The following PFDN1 variants were observed in gnomAD, a reference collection of about 807,000 sequenced individuals.
The protein encoded by PFDN1 is prefoldin subunit 1, also known as prefoldin 1.
PFDN1 carries 6 observed loss-of-function variants against 17.3 expected under a neutral mutation model. The ratio of observed to expected loss-of-function variants is 0.35; its 90% CI spans 0.19 to 0.69. The LOEUF (loss-of-function observed/expected upper bound fraction) is 0.69. PFDN1 is among the 30% of genes least tolerant of loss of function. PFDN1 has a pLI of 0.65. For synonymous variants in PFDN1, 58 were observed against 50.1 expected, an observed-to-expected ratio of 1.16 and a Z score of -0.67; for missense variants, 113 against 146.2, an observed-to-expected ratio of 0.77 and a Z score of 1.17.
chr5:140,290,495 G>C (rs1038149711), intron 2 of PFDN1, among the ~76,000 whole-genome samples: 4 of 152,276 alleles, frequency 2.6e-5, no homozygotes, highest in Middle Eastern at 3.4e-3. Flanking sequence ...CCCTGAGGAG[G>C]CCTGACCTAT....
At chr5:140,253,118 G>A (rs1183164270) in intron 3 of PFDN1, among the ~76,000 whole-genome samples, 1 of 152,224 alleles carries the variant, frequency 6.6e-6, no homozygotes, top group Non-Finnish European at 1.5e-5. Context: ...CTCGGAAGGA[G>A]TTACTGTCCC....
At chr5:140,249,092 A>G (rs577999480) in intron 3 of PFDN1, among the ~76,000 whole-genome samples, 11 of 152,352 alleles carry the variant, frequency 7.2e-5, no homozygotes, top group African/African-American at 2.6e-4. Context: ...TCAGTCCCCA[A>G]GCATATTTAA....
intron 3 of PFDN1, among the ~76,000 whole-genome samples, chr5:140,274,340 T>C (rs560573025): frequency 6.6e-6 from 1 of 152,364 alleles, no homozygotes; most frequent in South Asian, 2.1e-4. Flanking sequence ...GTTGTAATCA[T>C]GCTATTTTCT....
At chr5:140,249,095 A>G (rs1264206835) in intron 3 of PFDN1, among the ~76,000 whole-genome samples, 1 of 152,254 alleles carries the variant, frequency 6.6e-6, no homozygotes, top group Non-Finnish European at 1.5e-5. Flanking sequence ...GTCCCCAAGC[A>G]TATTTAAGCC....
At chr5:140,284,952 T>C (rs529829370) in intron 2 of PFDN1, among the ~76,000 whole-genome samples, 10 of 152,340 alleles carry the variant, frequency 6.6e-5, no homozygotes, top group African/African-American at 2.4e-4. Context: ...GACTCCGTTT[T>C]CTAAATCATC....
chr5:140,266,700 C>T (rs1765138171), intron 3 of PFDN1, among the ~76,000 whole-genome samples: 1 of 152,228 alleles, frequency 6.6e-6, no homozygotes, highest in Non-Finnish European at 1.5e-5. Context: ...GGAACACACA[C>T]ACACACCTAA....
intron 3 of PFDN1, among the ~76,000 whole-genome samples, chr5:140,278,557 CAAAAAAAAAAAAAAAAAA>C (rs113129230): frequency 5.1e-4 from 40 of 79,018 alleles, no homozygotes; most frequent in Admixed American, 8.2e-4. Flanking sequence ...GACTCTGTCT[CAAAAAAAAAAAAAAAAAA>C]AAAAAAAAAA....
intron 2 of PFDN1, among the ~76,000 whole-genome samples, chr5:140,286,270 G>A (rs10051897): frequency 0.03 from 4,504 of 151,298 alleles, 219 homozygotes; most frequent in African/African-American, 0.1. Flanking sequence ...AAAATTAGCC[G>A]GTGTGGTGGC....
At chr5:140,265,406 T>G (rs1329676068) in intron 3 of PFDN1, among the ~76,000 whole-genome samples, 3 of 152,134 alleles carry the variant, frequency 2.0e-5, no homozygotes, top group Admixed American at 2.0e-4. Context: ...TACTTTTCCC[T>G]TAGTTGACCC....
In PFDN1 at chr5:140,281,178, T is replaced by C. The variant is rs1765391567; in HGVS notation, c.285+271A>G. The C allele has an allele frequency of 3.6e-5, 10 of 275,584 alleles. No individual in the cohort carries two copies. The South Asian group carries it at 4.9e-4, about 14-fold the overall frequency. 17.1% of individuals were successfully genotyped at this position (275,584 alleles called of 1,614,324 possible). ...TTGTTTTTTTTAAAGAATAAACACA[T>C]TCAAGGGCAATGAACAAAATACATT... On this transcript the variant is annotated intron_variant, in intron 3 of 3. Transcript: ENST00000261813.
intron 3 of PFDN1, among the ~76,000 whole-genome samples, chr5:140,258,323 T>A (rs1765016658): frequency 6.6e-6 from 1 of 150,890 alleles, no homozygotes; most frequent in South Asian, 2.1e-4. Flanking sequence ...GTCCCTGGAG[T>A]GGCTGGGTGG....
At chr5:140,248,542 G>A (rs973271781) in intron 3 of PFDN1, among the ~76,000 whole-genome samples, 2 of 152,194 alleles carry the variant, frequency 1.3e-5, no homozygotes, top group Admixed American at 6.5e-5. Context: ...GGGGAAAGGC[G>A]AATGGAATAA....
At position 140,280,010 on chromosome 5, in the gene PFDN1, AAAAC is replaced by A. The variant is rs1420764274; in HGVS notation, c.285+1435_285+1438del. 2.5e-4 allele frequency among the ~76,000 whole-genome samples: 34 copies of A among 134,718 alleles called. 1 individual carries two copies. The highest frequency in any genetic ancestry group is 4.8e-4 in the African/African-American group (17 of 35,082). The allele number at this position is 134,718 out of a possible 152,430, so 88.4% of individuals were successfully genotyped here. On this transcript the variant is annotated intron_variant, in intron 3 of 3. Transcript: ENST00000261813. ...AACTCCGTCTCAAAAAAAAAAAAAAAAAACAAAAAAAGAAAAGAAAAGAAAAGAA... is the reference window on the plus strand; with the variant it reads ...AACTCCGTCTCAAAAAAAAAAAAAAAAAAAAAAGAAAAGAAAAGAAAAGAA...
chr5:140,272,498 T>C (rs562467976), intron 3 of PFDN1, among the ~76,000 whole-genome samples: 2 of 151,688 alleles, frequency 1.3e-5, no homozygotes, highest in African/African-American at 4.8e-5. Flanking sequence ...TAGCTAGGAT[T>C]ACAGGCGCCC....
intron 3 of PFDN1, among the ~76,000 whole-genome samples, chr5:140,248,318 C>T (rs1427490735): frequency 2.6e-5 from 4 of 152,256 alleles, no homozygotes; most frequent in East Asian, 1.9e-4. Context: ...CTGCCCGCCT[C>T]GGCCTCCCAA....
intron 3 of PFDN1, among the ~76,000 whole-genome samples, chr5:140,249,334 C>T (rs983780649): frequency 6.6e-6 from 1 of 151,856 alleles, no homozygotes; most frequent in African/African-American, 2.4e-5. Flanking sequence ...GCTTCAAATA[C>T]AAGTAGAAAA....
intron 3 of PFDN1, chr5:140,273,802 G>C: frequency 2.2e-6 from 1 of 452,232 alleles, no homozygotes; most frequent in Non-Finnish European, 2.9e-6. Flanking sequence ...AGCTAACCAG[G>C]GTGGTGAAAG....
intron 3 of PFDN1, among the ~76,000 whole-genome samples, chr5:140,259,997 C>A (rs142335535): frequency 2.2e-3 from 340 of 152,088 alleles, no homozygotes; most frequent in African/African-American, 7.7e-3. Context: ...TACAAAAATG[C>A]AAATTTAAAA....
At chr5:140,270,042 G>C (rs974530144) in intron 3 of PFDN1, among the ~76,000 whole-genome samples, 18 of 152,286 alleles carry the variant, frequency 1.2e-4, no homozygotes, top group Admixed American at 2.6e-4. Flanking sequence ...TTCCCCACAT[G>C]AAGTATTGAA....
Sources: allele counts gnomAD v4.1 joint callset (sites outside exome capture counted in the v4.1 genomes callset), GRCh38; gene constraint gnomAD v4.1.1; transcripts MANE v1.5; gene names NCBI Gene and HGNC (gene_info 2026-07-23, HGNC 2026-07-21).